Variants in S100Z observed in about 807,000 individuals in gnomAD.
S100Z encodes protein S100-Z.
In S100Z, 11 loss-of-function variants were observed where a neutral mutation model predicts 8.5. That is an observed-to-expected ratio of 1.30 (90% CI 0.82 to 2.15). The LOEUF is 2.15. Among genes scored for constraint, S100Z ranks in the 30% most tolerant of loss-of-function variants. The pLI, the probability that S100Z is intolerant of heterozygous loss-of-function variation, is 0.00. For synonymous variants in S100Z, 34 were observed against 43.8 expected (o/e 0.78, Z 0.89); for missense variants, 126 against 117.9 (o/e 1.07, Z -0.32).
At chr5:76,875,694 G>A (rs373955112) in intron 3 of S100Z, among the ~76,000 whole-genome samples, 194 bp downstream of exon 3, 64 of 152,216 alleles carry the variant, frequency 4.2e-4, no homozygotes, top group African/African-American at 1.5e-3. Flanking sequence ...GCCCTTTTTC[G>A]TGTTACCTGG....
downstream of S100Z, among the ~76,000 whole-genome samples, chr5:76,922,840 A>C (rs944743402): frequency 5.3e-5 from 8 of 152,114 alleles, no homozygotes; most frequent in African/African-American, 1.9e-4. Context: ...GTATTTAAGC[A>C]ACCATCTAGC....
In S100Z at chr5:76,895,874, T is replaced by C. The variant is rs956567559; in HGVS notation, c.*2+18040T>C. ...GCCTCCCAGGTTCAAGTGACTCTCC[T>C]GCCTCAGCCTCCTGAGTAGCTGGGA... On this transcript the variant is annotated intron_variant, in intron 4 of 4. Transcript: ENST00000317593. 2.7e-5 allele frequency among the ~76,000 whole-genome samples: 4 copies of C among 148,018 alleles called. No individual in the cohort carries two copies. In the East Asian group the frequency reaches 6.4e-4, roughly 24 times the overall value.
chr5:76,933,306 G>A, the S100Z span, among the ~76,000 whole-genome samples: 2 of 152,342 alleles, frequency 1.3e-5, no homozygotes, highest in South Asian at 4.1e-4. Flanking sequence ...CGTTGTTCCA[G>A]TGGTGTCTCC....
At chr5:76,947,635 TAAAAC>T in the S100Z span, among the ~76,000 whole-genome samples, 1 of 152,046 alleles carries the variant, frequency 6.6e-6, no homozygotes, top group Non-Finnish European at 1.5e-5. Flanking sequence ...CTACAGTAGT[TAAAAC>T]AATATGGTAC....
At chr5:76,879,689 A>G (rs1743325726) in intron 4 of S100Z, among the ~76,000 whole-genome samples, 1 of 152,244 alleles carries the variant, frequency 6.6e-6, no homozygotes, top group African/African-American at 2.4e-5. Context: ...ATAGAGAAGA[A>G]GAAACGTCTG....
At chr5:76,875,280 C>A in intron 2 of S100Z, 24 bp from the exon 3 acceptor site, 2 of 1,237,128 alleles carry the variant, frequency 1.6e-6, no homozygotes, top group Non-Finnish European at 1.1e-6. Flanking sequence ...GTTGGTGTTT[C>A]CTCATCTGTT....
intron 1 of S100Z, among the ~76,000 whole-genome samples, chr5:76,851,489 C>A (rs772860334): frequency 1.3e-5 from 2 of 152,084 alleles, no homozygotes; most frequent in Admixed American, 6.6e-5. Flanking sequence ...TGAGGAGATA[C>A]AACCTGGCAA....
chr5:76,887,844 A>T (rs557526332), intron 4 of S100Z, among the ~76,000 whole-genome samples: 1 of 152,294 alleles, frequency 6.6e-6, no homozygotes, highest in South Asian at 2.1e-4. Context: ...TGTCTCCCTT[A>T]AGCCAGTTCT....
intron 1 of S100Z, among the ~76,000 whole-genome samples, chr5:76,863,633 G>C (rs896134047): frequency 6.6e-6 from 1 of 152,020 alleles, no homozygotes; most frequent in South Asian, 2.1e-4. Flanking sequence ...CCGCCTCCCG[G>C]GTTCACGCCA....
chr5:76,858,596 G>A (rs1217893287), intron 1 of S100Z, among the ~76,000 whole-genome samples: 1 of 151,860 alleles, frequency 6.6e-6, no homozygotes, highest in Non-Finnish European at 1.5e-5. Context: ...CCATTGTCCT[G>A]CCTGGACGAT....
intron 4 of S100Z, among the ~76,000 whole-genome samples, chr5:76,905,879 C>A (rs1396099759): frequency 1.3e-5 from 2 of 151,906 alleles, no homozygotes; most frequent in African/African-American, 4.8e-5. Context: ...GCCCAGGCTG[C>A]AGTACAGTGG....
the S100Z span, among the ~76,000 whole-genome samples, chr5:76,932,901 A>C: frequency 7.9e-5 from 12 of 152,352 alleles, no homozygotes; most frequent in East Asian, 2.3e-3. Context: ...ACCTAAACAA[A>C]GCGGCTTAGT....
intron 1 of S100Z, among the ~76,000 whole-genome samples, 179 bp from the exon 2 acceptor site, chr5:76,869,987 C>T (rs546829099): frequency 6.6e-6 from 1 of 151,106 alleles, no homozygotes; most frequent in Admixed American, 6.6e-5. Context: ...CCTGTCACTG[C>T]ACTTCAGCCT....
chr5:76,863,616 G>A (rs1373584887), intron 1 of S100Z, among the ~76,000 whole-genome samples: 16 of 152,102 alleles, frequency 1.1e-4, no homozygotes, highest in Non-Finnish European at 2.2e-4. Context: ...TCGGCTCACT[G>A]CAAGCTCCGC....
the S100Z span, among the ~76,000 whole-genome samples, chr5:76,947,750 A>T: frequency 1.3e-3 from 202 of 152,328 alleles, 1 homozygote; most frequent in African/African-American, 4.7e-3. Flanking sequence ...GGTGCCAAGA[A>T]TATACAATGG....
At chr5:76,862,186 T>C (rs1751077953) in intron 1 of S100Z, among the ~76,000 whole-genome samples, 1 of 151,412 alleles carries the variant, frequency 6.6e-6, no homozygotes, top group Non-Finnish European at 1.5e-5. Context: ...TTCAAATATA[T>C]AGAAAAGTAG....
intron 1 of S100Z, among the ~76,000 whole-genome samples, chr5:76,864,765 G>A (rs1751206100): frequency 1.3e-5 from 2 of 152,084 alleles, no homozygotes; most frequent in South Asian, 4.1e-4. Flanking sequence ...TTGGAGTGCA[G>A]TGGCACGATC....
At chr5:76,869,536 T>A (rs902380728) in intron 1 of S100Z, among the ~76,000 whole-genome samples, 1 of 152,192 alleles carries the variant, frequency 6.6e-6, no homozygotes, top group Non-Finnish European at 1.5e-5. Flanking sequence ...ACCCTTTGAA[T>A]GGCCAGGAGC....
chr5:76,895,230 G>A (rs567672803), intron 4 of S100Z, among the ~76,000 whole-genome samples: 32 of 152,208 alleles, frequency 2.1e-4, no homozygotes, highest in Non-Finnish European at 4.4e-4. Flanking sequence ...TATCATCACC[G>A]TTTTAAAACT....
Sources: allele counts gnomAD v4.1 joint callset (sites outside exome capture counted in the v4.1 genomes callset), GRCh38; gene constraint gnomAD v4.1.1; transcripts MANE v1.5; gene names NCBI Gene and HGNC (gene_info 2026-07-23, HGNC 2026-07-21).